Variants in HTR1E observed in about 807,000 individuals in gnomAD.
HTR1E encodes 5-hydroxytryptamine receptor 1E.
A neutral mutation model predicts 3.4 loss-of-function variants in HTR1E; 3 were observed. The ratio of observed to expected loss-of-function variants is 0.89; its 90% confidence interval spans 0.41 to 2.31. HTR1E has a LOEUF of 2.31. HTR1E is among the 30% of genes most tolerant of loss of function. HTR1E has a pLI of 0.05. For synonymous variants in HTR1E, 170 were observed against 182.8 expected (o/e 0.93, Z 0.56); for missense variants, 392 against 467.0 (o/e 0.84, Z 1.48).
chr6:86,950,119 A>T (rs1049310326), intron 1 of HTR1E, among the ~76,000 whole-genome samples: 1 of 152,206 alleles, frequency 6.6e-6, no homozygotes, highest in Non-Finnish European at 1.5e-5. Flanking sequence ...AAACAAGAAT[A>T]TTATGTTCAA....
Position 86,999,159 on chromosome 6 carries a change from G to A in HTR1E, c.-185-15991G>A, listed in dbSNP as rs573263145. 3.9e-4 allele frequency among the ~76,000 whole-genome samples: 59 copies of A among 151,956 alleles called. 1 individual carries two copies. In the South Asian group the frequency reaches 9.4e-3, roughly 24 times the overall value. On this transcript the variant is annotated intron_variant, in intron 1 of 1. Transcript: ENST00000305344. ...TATTTTTAAGTAGAAACGGGGATTC[G>A]CCATGTTAGTCAGTCTAGTCTCCAA...
chr6:86,995,671 A>G (rs1767929119), intron 1 of HTR1E, among the ~76,000 whole-genome samples: 1 of 111,110 alleles, frequency 9.0e-6, no homozygotes, highest in Non-Finnish European at 1.9e-5. Context: ...ATCTCAAAAA[A>G]AAAAAAAAAA....
At chr6:86,961,552 T>G (rs1055073861) in intron 1 of HTR1E, among the ~76,000 whole-genome samples, 3 of 152,190 alleles carry the variant, frequency 2.0e-5, no homozygotes, top group African/African-American at 7.2e-5. Flanking sequence ...TATCAGCGGA[T>G]TTAATGATTC....
chr6:86,979,177 G>A (rs746607538), intron 1 of HTR1E, among the ~76,000 whole-genome samples: 3 of 152,016 alleles, frequency 2.0e-5, no homozygotes, highest in Non-Finnish European at 4.4e-5. Context: ...TGATTTTTTT[G>A]CACAGTTTAG....
At chr6:87,009,155 C>A (rs1237220989) in intron 1 of HTR1E, among the ~76,000 whole-genome samples, 1 of 150,474 alleles carries the variant, frequency 6.6e-6, no homozygotes, top group African/African-American at 2.5e-5. Context: ...GGAAGGTCAG[C>A]AGATAAACAA....
chr6:86,979,410 A>G (rs1009639561), intron 1 of HTR1E, among the ~76,000 whole-genome samples: 2 of 152,252 alleles, frequency 1.3e-5, no homozygotes, highest in Admixed American at 6.5e-5. Flanking sequence ...AAGGCCAAAT[A>G]GTAACTATAG....
chr6:87,002,328 T>C (rs1294540514), intron 1 of HTR1E, among the ~76,000 whole-genome samples: 1 of 152,222 alleles, frequency 6.6e-6, no homozygotes, highest in Non-Finnish European at 1.5e-5. Context: ...TTACAGCTCT[T>C]AATGGTGGTG....
intron 1 of HTR1E, among the ~76,000 whole-genome samples, chr6:86,982,495 G>A (rs1054536163): frequency 6.6e-6 from 1 of 152,200 alleles, no homozygotes; most frequent in Non-Finnish European, 1.5e-5. Context: ...TGCCTGAGGA[G>A]GAGTGAGAAT....
Position 86,987,427 on chromosome 6 carries a change from T to C in HTR1E, c.-185-27723T>C, listed in dbSNP as rs548249642. 3.3e-5 allele frequency among the ~76,000 whole-genome samples: 5 copies of C among 152,288 alleles called. No individual in the cohort carries two copies. In the South Asian group the frequency reaches 1.0e-3, roughly 32 times the overall value. On this transcript the variant is annotated intron_variant, in intron 1 of 1. Coordinates refer to ENST00000305344, the MANE Select transcript of HTR1E (RefSeq NM_000865.3). Reference sequence around the variant, plus strand: ...GCAAAGGAAAAAGAAAACTAACTTATATTTCTCTAATGCTCCGTAATGTAT... The same window carrying C: ...GCAAAGGAAAAAGAAAACTAACTTACATTTCTCTAATGCTCCGTAATGTAT...
At chr6:86,996,900 A>G (rs1767946788) in intron 1 of HTR1E, among the ~76,000 whole-genome samples, 1 of 152,062 alleles carries the variant, frequency 6.6e-6, no homozygotes, top group Admixed American at 6.5e-5. Flanking sequence ...CCGGTATACC[A>G]AGCAAAGGCA....
At chr6:87,014,124 G>A (rs192383034) in intron 1 of HTR1E, among the ~76,000 whole-genome samples, 100 of 152,076 alleles carry the variant, frequency 6.6e-4, no homozygotes, top group African/African-American at 2.2e-3. Flanking sequence ...GTCGGGGGAC[G>A]GGGGAGTGAT....
At chr6:87,011,362 GC>G (rs1768232333) in intron 1 of HTR1E, among the ~76,000 whole-genome samples, 1 of 152,194 alleles carries the variant, frequency 6.6e-6, no homozygotes, top group Non-Finnish European at 1.5e-5. Flanking sequence ...CTGGGAAAAT[GC>G]TGGGAAGTAA....
At position 87,008,188 on chromosome 6, in the gene HTR1E, G is replaced by A. The variant is rs571329003; in HGVS notation, c.-185-6962G>A. 7.0e-4 allele frequency among the ~76,000 whole-genome samples: 106 copies of A among 152,046 alleles called. 1 individual carries two copies. Among genetic ancestry groups the A allele is most frequent in the African/African-American group, 2.5e-3 (103 of 41,486 alleles). On this transcript the variant is annotated intron_variant, in intron 1 of 1. Coordinates refer to ENST00000305344, the MANE Select transcript of HTR1E (RefSeq NM_000865.3). ...ATCACAATTTAAATAAATAAAAAAAGAAAAAGAGAATAAAGAATCCCACGC... is the reference window on the plus strand; with the variant it reads ...ATCACAATTTAAATAAATAAAAAAAAAAAAAGAGAATAAAGAATCCCACGC...
chr6:86,996,379 A>G (rs940479170), intron 1 of HTR1E, among the ~76,000 whole-genome samples: 1 of 152,194 alleles, frequency 6.6e-6, no homozygotes, highest in Non-Finnish European at 1.5e-5. Context: ...GCAACTCAGG[A>G]GAAATCTTTA....
At position 86,983,232 on chromosome 6, in the gene HTR1E, C is replaced by A. The variant is rs1032370130; in HGVS notation, c.-185-31918C>A. ...TTGTTTCAACTGAAATTAGCAAATC[C>A]CAGAAAGAAAATTCTTCCCTAAGAA... On this transcript the variant is annotated intron_variant, in intron 1 of 1. Transcript: ENST00000305344. 2.6e-5 allele frequency among the ~76,000 whole-genome samples: 4 copies of A among 151,978 alleles called. No homozygotes were observed. The East Asian group carries it at 7.7e-4, about 29-fold the overall frequency.
At position 87,002,373 on chromosome 6, in the gene HTR1E, G is replaced by A. The variant is rs146065864; in HGVS notation, c.-185-12777G>A. On this transcript the variant is annotated intron_variant, in intron 1 of 1. Transcript: ENST00000305344. ...AGAGTGAGCAACAGCAAGATTTATT[G>A]TGAAGAGCAAAAGAACAAAGTGTCC... Among the ~76,000 whole-genome samples, 52 of 152,348 alleles carry A rather than the reference G, an allele frequency of 3.4e-4. 1 individual carries two copies. The highest frequency in any genetic ancestry group is 1.3e-3 in the African/African-American group (52 of 41,586).
chr6:86,975,943 ACACACT>A (rs915759361), intron 1 of HTR1E, among the ~76,000 whole-genome samples: 5 of 147,132 alleles, frequency 3.4e-5, no homozygotes, highest in African/African-American at 1.0e-4. Flanking sequence ...ACACACACAC[ACACACT>A]CTCTCTCTCT....
At position 87,015,302 on chromosome 6, in the gene HTR1E, C is replaced by G. The variant is rs1057168001; in HGVS notation, c.-33C>G. 1.4e-6 allele frequency: 2 copies of G among 1,476,496 alleles called. No homozygotes were observed. The highest frequency in any genetic ancestry group is 2.8e-5 in the African/African-American group (2 of 71,062). The allele number at this position is 1,476,496 out of a possible 1,614,324, so 91.5% of individuals were successfully genotyped here. A position where few individuals can be genotyped will look rare whatever the true frequency, so the allele number is the denominator to read the frequency against. On this transcript the variant is annotated 5_prime_UTR_variant, in exon 2 of 2. Coordinates refer to ENST00000305344, the MANE Select transcript of HTR1E (RefSeq NM_000865.3). ...TCAGCCAAAGGAAAATAACCAACAG[C>G]TTCTCCACAGTGTAGACTGAAACAA...
At position 86,968,226 on chromosome 6, in the gene HTR1E, T is replaced by C. The variant is rs569204015; in HGVS notation, c.-186+30403T>C. 7.2e-4 allele frequency among the ~76,000 whole-genome samples: 110 copies of C among 152,304 alleles called. 1 individual carries two copies. Among genetic ancestry groups the C allele is most frequent in the Middle Eastern group, 6.8e-3 (2 of 294 alleles). ...TGTTATTAAAGCATATTTATAGAAATTTTGTCACAATTTTTGTTTCTGAAA... is the reference window on the plus strand; with the variant it reads ...TGTTATTAAAGCATATTTATAGAAACTTTGTCACAATTTTTGTTTCTGAAA... On this transcript the variant is annotated intron_variant, in intron 1 of 1. Coordinates refer to ENST00000305344, the MANE Select transcript of HTR1E (RefSeq NM_000865.3).
Sources: allele counts gnomAD v4.1 joint callset (sites outside exome capture counted in the v4.1 genomes callset), GRCh38; gene constraint gnomAD v4.1.1; transcripts MANE v1.5; gene names NCBI Gene and HGNC (gene_info 2026-07-23, HGNC 2026-07-21).